Variants in NCOA3 observed in about 807,000 individuals in gnomAD.
The protein encoded by NCOA3 is CBP-interacting protein.
Under a neutral mutation model 158.8 loss-of-function variants are expected in NCOA3, and 51 were observed. That is an observed-to-expected ratio of 0.32 (90% CI 0.26 to 0.41). The LOEUF is 0.41. Ranked by LOEUF, NCOA3 falls within the 10% of genes least tolerant of loss-of-function variation. The pLI is 1.00. For missense variants in NCOA3, 1,510 were observed against 1,746.6 expected, an observed-to-expected ratio of 0.86 and a Z score of 2.41; for synonymous variants, 537 against 592.4, an observed-to-expected ratio of 0.91 and a Z score of 1.36.
In NCOA3 at chr20:47,517,781, A is replaced by G. The variant is rs115323389; in HGVS notation, c.-99+15762A>G. On this transcript the variant is annotated intron_variant, in intron 1 of 22. Coordinates refer to ENST00000371998, the MANE Select transcript of NCOA3 (RefSeq NM_181659.3). ...CATTTATTTTTCAACTAGATTATAAACTCCTAGATCACAAAGGGATTCTAA... is the reference window on the plus strand; with the variant it reads ...CATTTATTTTTCAACTAGATTATAAGCTCCTAGATCACAAAGGGATTCTAA... 8.3e-3 allele frequency among the ~76,000 whole-genome samples: 1,261 copies of G among 151,416 alleles called. 17 individuals are homozygous for G. Among genetic ancestry groups the G allele is most frequent in the African/African-American group, 0.028 (1,138 of 41,324 alleles).
chr20:47,582,196 T>TTTAA lies in NCOA3; in HGVS notation c.-98-968_-98-965dup, dbSNP rs11467310. On this transcript the variant is annotated intron_variant, in intron 1 of 22. Transcript: ENST00000371998. The stretch of plus-strand genomic sequence containing the variant: ...TATATATGCTATGCCTGACTTTTAT[T>TTTAA]TTAATTAATTAATTAATTAATTTAC... Among the ~76,000 whole-genome samples, 7 of 151,830 alleles carry TTTAA rather than the reference T, an allele frequency of 4.6e-5. No individual in the cohort carries two copies. The East Asian group carries it at 7.7e-4, about 17-fold the overall frequency.
intron 1 of NCOA3, among the ~76,000 whole-genome samples, chr20:47,530,395 A>G (rs949748460): frequency 6.6e-6 from 1 of 152,152 alleles, no homozygotes; most frequent in African/African-American, 2.4e-5. Flanking sequence ...AAATTGAGAC[A>G]AAGTTTTAAA....
In NCOA3 at chr20:47,649,068, G is replaced by A. The variant is rs1244429454; in HGVS notation, c.3610G>A (p.Ala1204Thr). Residue 1204 changes from alanine to threonine, a missense_variant, in exon 19 of 23, where the codon GCG becomes ACG. By Grantham distance (58) the Ala-to-Thr change is moderately conservative. Around this residue, in one of 4 missense-constraint regions of NCOA3, gnomAD observed 1,017 missense variants for 1,098.3 expected, o/e 0.93. Coordinates refer to ENST00000371998, the MANE Select transcript of NCOA3 (RefSeq NM_181659.3). ...GGAAAACCCTACTGCTGGTGGTGCT[G>A]CGGTGATGAGGCCTATGATGCAGCC... ...KMENPTAGGA[A>T]VMRPMMQPQV... The A allele has an allele frequency of 1.9e-6, 3 of 1,614,144 alleles. No individual in the cohort carries two copies. The South Asian group carries it at 3.3e-5, about 18-fold the overall frequency.
At chr20:47,581,780 A>G (rs1216513674) in intron 1 of NCOA3, among the ~76,000 whole-genome samples, 4 of 152,240 alleles carry the variant, frequency 2.6e-5, no homozygotes, top group African/African-American at 9.6e-5. Flanking sequence ...TTCAAGTGCA[A>G]AAGCCTGCTG....
Position 47,653,731 on chromosome 20 carries a change from CT to C in NCOA3, c.*320del, listed in dbSNP as rs1455688174. The C allele has an allele frequency of 2.4e-5, 9 of 376,664 alleles. No individual in the cohort carries two copies. The highest frequency in any genetic ancestry group is 1.4e-3 in the Middle Eastern group (2 of 1,466). The allele number at this position is 376,664 out of a possible 1,614,324, so 23.3% of individuals were successfully genotyped here. ...TACTGATCATAAAACTTTTGTGTCA[CT>C]TTTTTCTGCCTTGCTAGCCAAAATC... On this transcript the variant is annotated 3_prime_UTR_variant, in exon 23 of 23. Transcript: ENST00000371998.
At chr20:47,635,258 T>A (rs990809812) in intron 10 of NCOA3, 64 bp from the exon 11 acceptor site, 2 of 1,453,570 alleles carry the variant, frequency 1.4e-6, no homozygotes, top group Non-Finnish European at 1.9e-6. Context: ...TTATTTTAAA[T>A]CTGATTAAAA....
At chr20:47,624,470 T>C (rs2086290817) in intron 4 of NCOA3, among the ~76,000 whole-genome samples, 1 of 152,202 alleles carries the variant, frequency 6.6e-6, no homozygotes, top group Non-Finnish European at 1.5e-5. Flanking sequence ...AATCTAATGC[T>C]ACTTCTGAGC....
intron 1 of NCOA3, among the ~76,000 whole-genome samples, chr20:47,502,594 T>G (rs1384487233): frequency 6.6e-6 from 1 of 152,046 alleles, no homozygotes; most frequent in African/African-American, 2.4e-5. Flanking sequence ...GGGTAGCTTC[T>G]TAGTTTTCTC....
At chr20:47,502,233 G>A (rs1383996751) in intron 1 of NCOA3, among the ~76,000 whole-genome samples, 1 of 152,174 alleles carries the variant, frequency 6.6e-6, no homozygotes, top group African/African-American at 2.4e-5. Flanking sequence ...GCGGCGGTAG[G>A]AGCTGAGACG....
chr20:47,550,848 A>T (rs2084918343), intron 1 of NCOA3, among the ~76,000 whole-genome samples: 1 of 152,192 alleles, frequency 6.6e-6, no homozygotes, highest in South Asian at 2.1e-4. Context: ...CTGACAGTGA[A>T]AAGTGTATTT....
chr20:47,579,375 C>T (rs911319721), intron 1 of NCOA3, among the ~76,000 whole-genome samples: 1 of 152,206 alleles, frequency 6.6e-6, no homozygotes, highest in African/African-American at 2.4e-5. Context: ...GTTTCTGGAA[C>T]TTCTCACATT....
At chr20:47,542,009 G>GTTTTTTTGCT (rs71183262) in intron 1 of NCOA3, among the ~76,000 whole-genome samples, 1 of 56,318 alleles carries the variant, frequency 1.8e-5, no homozygotes, top group African/African-American at 7.4e-5. Context: ...GCCCTGTAGA[G>GTTTTTTTGCT]TTTTTTTTTT....
Position 47,537,497 on chromosome 20 carries a change from A to G in NCOA3, c.-99+35478A>G, listed in dbSNP as rs115211006. 5.0e-3 allele frequency among the ~76,000 whole-genome samples: 763 copies of G among 151,924 alleles called. 5 individuals are homozygous for G. The highest frequency in any genetic ancestry group is 0.017 in the African/African-American group (713 of 41,412). Reference sequence around the variant, plus strand: ...AGCCATTGCACCTGTTCTATTTTATATTCTGCTAGGAAAGAAAATGTAAAA... The same window carrying G: ...AGCCATTGCACCTGTTCTATTTTATGTTCTGCTAGGAAAGAAAATGTAAAA... On this transcript the variant is annotated intron_variant, in intron 1 of 22. Transcript: ENST00000371998.
intron 2 of NCOA3, among the ~76,000 whole-genome samples, chr20:47,595,144 G>T (rs1478427935): frequency 6.9e-6 from 1 of 145,154 alleles, no homozygotes; most frequent in Non-Finnish European, 1.5e-5. Flanking sequence ...TGTCACCCTA[G>T]TTGGAGTGCA....
At chr20:47,591,595 A>G (rs1023021956) in intron 2 of NCOA3, among the ~76,000 whole-genome samples, 3 of 152,142 alleles carry the variant, frequency 2.0e-5, no homozygotes, top group Non-Finnish European at 4.4e-5. Context: ...AGAATTGTTT[A>G]TCACTGATTG....
At chr20:47,585,547 GCTTT>G (rs1222560724) in intron 2 of NCOA3, among the ~76,000 whole-genome samples, 5 of 151,994 alleles carry the variant, frequency 3.3e-5, no homozygotes. Context: ...GCTTTATCTG[GCTTT>G]CTATTTTCAT....
chr20:47,644,209 G>T (rs1322006670), intron 17 of NCOA3, among the ~76,000 whole-genome samples: 1 of 150,414 alleles, frequency 6.6e-6, no homozygotes, highest in Non-Finnish European at 1.5e-5. Flanking sequence ...GCGTGATCTT[G>T]GCTCACTGCA....
intron 20 of NCOA3, 67 bp downstream of exon 20, chr20:47,651,343 T>G: frequency 5.9e-6 from 9 of 1,527,422 alleles, no homozygotes; most frequent in Non-Finnish European, 7.9e-6. Context: ...CTTCATTACA[T>G]TTATTGCACA....
rs1369954111 is a variant in NCOA3, at chr20:47,501,914, G to A, written c.-204G>A. 2 of 400,480 alleles carry A rather than the reference G, an allele frequency of 5.0e-6. No individual in the cohort carries two copies. Among genetic ancestry groups the A allele is most frequent in the African/African-American group, 4.1e-5 (2 of 48,654 alleles). The allele number at this position is 400,480 out of a possible 1,614,324, so 24.8% of individuals were successfully genotyped here. On this transcript the variant is annotated 5_prime_UTR_variant, in exon 1 of 23. Transcript: ENST00000371998. ...CTGCTGCTGTCTCAGCCGCTCCACA[G>A]CGACGGCAGCGGCTGCGGCTTAGTC... is the stretch of plus-strand genomic sequence containing the variant.
Sources: allele counts gnomAD v4.1 joint callset (sites outside exome capture counted in the v4.1 genomes callset), GRCh38; gene constraint gnomAD v4.1.1; regional missense constraint gnomAD v4.1.1; transcripts MANE v1.5; gene names NCBI Gene and HGNC (gene_info 2026-07-23, HGNC 2026-07-21).